BCAS3: variants seen among roughly 807,000 people sequenced by gnomAD.
BCAS3 encodes BCAS3 microtubule associated cell migration factor.
In BCAS3, 53 loss-of-function variants were observed where a neutral mutation model predicts 116.1. The observed-to-expected ratio is 0.46, with a 90% confidence interval of 0.37 to 0.57. The LOEUF (loss-of-function observed/expected upper bound fraction) is 0.57, where lower values mean the gene tolerates loss of function less well. Ranked by LOEUF, BCAS3 falls within the 20% of genes least tolerant of loss-of-function variation. The probability of loss-of-function intolerance (pLI) is 0.00; values close to 1 mark genes in which losing one functional copy is unlikely to be tolerated. For missense variants in BCAS3, 917 were observed against 1,165.4 expected (o/e 0.79, Z 3.10); for synonymous variants, 391 against 408.2 (o/e 0.96, Z 0.51).
chr17:60,780,921 C>A (rs957652596), intron 6 of BCAS3, among the ~76,000 whole-genome samples: 4 of 152,020 alleles, frequency 2.6e-5, no homozygotes, highest in Non-Finnish European at 5.9e-5. Context: ...TAAATTTTGA[C>A]GCTTTAAAGT....
rs953919660 is a variant in BCAS3 at position 61,077,715 on chromosome 17, A to G, written c.2131-618A>G. 2.6e-5 allele frequency among the ~76,000 whole-genome samples: 4 copies of G among 152,214 alleles called. No individual in the cohort carries two copies. Among genetic ancestry groups the G allele is most frequent in the South Asian group, 4.1e-4 (2 of 4,834 alleles). The stretch of plus-strand genomic sequence containing the variant: ...ACAAAAATCTAGTTTGAGAGAAAAT[A>G]TATAATAATGTTTTCATTTAAAAGT... On this transcript the variant is annotated intron_variant, in intron 20 of 23. Transcript: ENST00000407086. The surrounding 1 kb of genome is among the most constrained non-coding windows in gnomAD (Gnocchi z 4.3).
At chr17:61,033,760 C>T (rs2066815452) in intron 16 of BCAS3, among the ~76,000 whole-genome samples, 1 of 152,212 alleles carries the variant, frequency 6.6e-6, no homozygotes, top group Non-Finnish European at 1.5e-5. Flanking sequence ...AGGTGATTGG[C>T]AAAATTGCTT....
At chr17:60,991,289 AT>A (rs1477100423) in intron 15 of BCAS3, among the ~76,000 whole-genome samples, 1 of 152,134 alleles carries the variant, frequency 6.6e-6, no homozygotes, top group African/African-American at 2.4e-5. Flanking sequence ...GGTTTAGTTC[AT>A]TTATTTACAG....
chr17:60,736,722 CTATT>C (rs1230157042), intron 5 of BCAS3, among the ~76,000 whole-genome samples: 1 of 151,974 alleles, frequency 6.6e-6, no homozygotes, highest in African/African-American at 2.4e-5. Context: ...TTCAAGTTGT[CTATT>C]TATTGTTGTG....
intron 6 of BCAS3, among the ~76,000 whole-genome samples, chr17:60,785,165 G>GT (rs1468442546): frequency 2.6e-5 from 4 of 151,582 alleles, no homozygotes; most frequent in African/African-American, 7.3e-5. Flanking sequence ...TTTTTTCTTA[G>GT]TTTTTTATTT....
At chr17:61,005,131 A>G (rs947066455) in intron 15 of BCAS3, among the ~76,000 whole-genome samples, 1 of 151,904 alleles carries the variant, frequency 6.6e-6, no homozygotes, top group Admixed American at 6.6e-5. Flanking sequence ...TCGTGGTATC[A>G]CTCCTCTTTG....
intron 12 of BCAS3, among the ~76,000 whole-genome samples, chr17:60,917,297 A>G (rs2058824755): frequency 6.6e-6 from 1 of 152,178 alleles, no homozygotes; most frequent in Admixed American, 6.5e-5. Context: ...GTCTCTGCCC[A>G]TTAAACAATA....
intron 22 of BCAS3, among the ~76,000 whole-genome samples, chr17:61,148,594 T>C (rs1477669196): frequency 6.6e-6 from 1 of 152,230 alleles, no homozygotes; most frequent in Admixed American, 6.5e-5. Context: ...TTCCTGATTT[T>C]TTAAACACTA....
At chr17:60,792,378 A>AC (rs543057946) in intron 6 of BCAS3, among the ~76,000 whole-genome samples, 1 of 151,804 alleles carries the variant, frequency 6.6e-6, no homozygotes, top group African/African-American at 2.4e-5. Flanking sequence ...CAGTGGGTGA[A>AC]CCCCCCGCTC....
chr17:61,333,213 G>A lies in BCAS3; in HGVS notation c.2426-35114G>A, dbSNP rs1156931214. ...AAACAAAGTCTGGTGAGAGGAGCAA[G>A]TGCAGTTATGCACAGGGAGCAGCTG... is the stretch of plus-strand genomic sequence containing the variant. On this transcript the variant is annotated intron_variant, in intron 22 of 23. Coordinates refer to ENST00000407086, the MANE Select transcript of BCAS3 (RefSeq NM_017679.5). This position sits in a 1 kb window ranked among gnomAD's most constrained non-coding sequence, Gnocchi z 4.8. Among the ~76,000 whole-genome samples the A allele has an allele frequency of 6.6e-6, 1 of 152,162 alleles. No homozygotes were observed. Among genetic ancestry groups the A allele is most frequent in the Non-Finnish European group, 1.5e-5 (1 of 68,032 alleles).
rs2063811230 is a variant in BCAS3 at position 60,995,973 on chromosome 17, G to A, written c.1486+5738G>A. On this transcript the variant is annotated intron_variant, in intron 15 of 23. Coordinates refer to ENST00000407086, the MANE Select transcript of BCAS3 (RefSeq NM_017679.5). The surrounding 1 kb of genome is among the most constrained non-coding windows in gnomAD (Gnocchi z 4.7). ...GAGCAAAGATCTGGTGGAAGTAAGA[G>A]AGAAATTCATATAGAACAGCCTGTG... is the stretch of plus-strand genomic sequence containing the variant. Among the ~76,000 whole-genome samples, 1 of 152,210 alleles carries A rather than the reference G, an allele frequency of 6.6e-6. No individual in the cohort carries two copies. The highest frequency in any genetic ancestry group is 2.4e-5 in the African/African-American group (1 of 41,450).
intron 3 of BCAS3, among the ~76,000 whole-genome samples, chr17:60,686,400 G>A (rs185434287): frequency 6.6e-6 from 1 of 151,616 alleles, no homozygotes; most frequent in African/African-American, 2.4e-5. Context: ...GAGAACATGT[G>A]TTGTTGGACT....
chr17:60,896,025 G>T (rs770290524), intron 10 of BCAS3, among the ~76,000 whole-genome samples: 7 of 152,140 alleles, frequency 4.6e-5, no homozygotes, highest in Non-Finnish European at 1.0e-4. Context: ...AGGTCCATTG[G>T]GTCTAAAGTC....
At chr17:60,881,134 C>T (rs530256365) in intron 9 of BCAS3, among the ~76,000 whole-genome samples, 56 of 152,232 alleles carry the variant, frequency 3.7e-4, no homozygotes, top group African/African-American at 1.2e-3. Context: ...GCCACCACAC[C>T]CTGCTAATTT....
At position 61,278,891 on chromosome 17, in the gene BCAS3, A is replaced by G. The variant is rs1293230512; in HGVS notation, c.2426-89436A>G. On this transcript the variant is annotated intron_variant, in intron 22 of 23. Transcript: ENST00000407086. This position sits in a 1 kb window ranked among gnomAD's most constrained non-coding sequence, Gnocchi z 5.8. ...TTCAGAACAATCAAAATCTTCTAAA[A>G]TAGATTGTGGTGATGGTTGCACAAT... 3.3e-5 allele frequency among the ~76,000 whole-genome samples: 5 copies of G among 152,006 alleles called. No individual in the cohort carries two copies. Among genetic ancestry groups the G allele is most frequent in the Non-Finnish European group, 7.4e-5 (5 of 68,020 alleles).
At chr17:61,207,369 T>A (rs1223528403) in intron 22 of BCAS3, among the ~76,000 whole-genome samples, 1 of 152,214 alleles carries the variant, frequency 6.6e-6, no homozygotes, top group Non-Finnish European at 1.5e-5. Flanking sequence ...ATCTTCATTA[T>A]AACTTTAGGA....
At chr17:60,812,949 C>T (rs1230437947) in intron 7 of BCAS3, among the ~76,000 whole-genome samples, 1 of 152,070 alleles carries the variant, frequency 6.6e-6, no homozygotes, top group Non-Finnish European at 1.5e-5. Context: ...CACGATGTTA[C>T]CCAGGCTGGT....
Position 61,388,785 on chromosome 17 carries a change from C to A in BCAS3, c.2594-3192C>A. On this transcript the variant is annotated intron_variant, in intron 23 of 23. Transcript: ENST00000407086. The surrounding 1 kb of genome is among the most constrained non-coding windows in gnomAD (Gnocchi z 6.5). ...GATGACTTGGAGGGGGGAATCTGAGCAGCCCTCCTCCCCTCCACTTCCCAC... is the reference window on the plus strand; with the variant it reads ...GATGACTTGGAGGGGGGAATCTGAGAAGCCCTCCTCCCCTCCACTTCCCAC... 1 of 1,322,560 alleles carries A rather than the reference C, an allele frequency of 7.6e-7. No homozygotes were observed. The highest frequency in any genetic ancestry group is 1.0e-6 in the Non-Finnish European group (1 of 960,322). The allele number at this position is 1,322,560 out of a possible 1,614,324, so 81.9% of individuals were successfully genotyped here.
intron 6 of BCAS3, among the ~76,000 whole-genome samples, chr17:60,802,912 C>T (rs979058572): frequency 9.9e-5 from 15 of 152,196 alleles, no homozygotes; most frequent in African/African-American, 3.6e-4. Context: ...CCACTGTGCC[C>T]AGTCTATTTG....
Sources: allele counts gnomAD v4.1 joint callset (sites outside exome capture counted in the v4.1 genomes callset), GRCh38; gene constraint gnomAD v4.1.1; non-coding constraint Gnocchi (gnomAD v3.1); transcripts MANE v1.5; gene names NCBI Gene and HGNC (gene_info 2026-07-23, HGNC 2026-07-21).